The following HSD17B2 variants were observed in gnomAD, a reference collection of about 807,000 sequenced individuals.
HSD17B2 encodes hydroxysteroid 17-beta dehydrogenase 2.
A neutral mutation model predicts 26.9 loss-of-function variants in HSD17B2; 32 were observed. The observed-to-expected ratio is 1.19, with a 90% CI of 0.90 to 1.60. The LOEUF is 1.60. HSD17B2 is among the 40% of genes most tolerant of loss of function. The pLI, the probability that HSD17B2 is intolerant of heterozygous loss-of-function variation, is 0.00. For synonymous variants in HSD17B2, 246 were observed against 186.7 expected (o/e 1.32, Z -2.59); for missense variants, 613 against 468.6 (o/e 1.31, Z -2.85).
At chr16:82,051,139 G>C (rs1031267192) in intron 1 of HSD17B2, among the ~76,000 whole-genome samples, 8 of 152,140 alleles carry the variant, frequency 5.3e-5, no homozygotes, top group African/African-American at 1.9e-4. Context: ...TTCTCACCTT[G>C]AAATTGAATA....
At chr16:82,085,259 GC>G (rs1408572312) in intron 3 of HSD17B2, among the ~76,000 whole-genome samples, 1 of 152,148 alleles carries the variant, frequency 6.6e-6, no homozygotes, top group African/African-American at 2.4e-5. Context: ...AAGATGGGAA[GC>G]CTAGGCTGAG....
chr16:82,046,252 C>G (rs552670594), intron 1 of HSD17B2, among the ~76,000 whole-genome samples: 1 of 152,142 alleles, frequency 6.6e-6, no homozygotes, highest in South Asian at 2.1e-4. Context: ...CACAACAAAC[C>G]AATGAATGGA....
intron 3 of HSD17B2, among the ~76,000 whole-genome samples, chr16:82,082,763 A>G (rs563602794): frequency 1.3e-5 from 2 of 152,314 alleles, no homozygotes; most frequent in African/African-American, 4.8e-5. Flanking sequence ...CCTAATAAAC[A>G]TTAAGAGTTA....
At chr16:82,078,622 T>G (rs1758273834) in intron 3 of HSD17B2, among the ~76,000 whole-genome samples, 1 of 152,182 alleles carries the variant, frequency 6.6e-6, no homozygotes, top group African/African-American at 2.4e-5. Flanking sequence ...AACCTAAGTG[T>G]CCATCAACAG....
At chr16:82,043,731 T>C (rs13337293) in intron 1 of HSD17B2, among the ~76,000 whole-genome samples, 8,949 of 144,912 alleles carry the variant, frequency 0.062, 1,591 homozygotes, top group African/African-American at 0.23. Flanking sequence ...AGATAAACTT[T>C]ATTTCAGACC....
In HSD17B2 at chr16:82,036,873, C is replaced by A. The variant is rs8191059; in HGVS notation, c.265+1184C>A. On this transcript the variant is annotated intron_variant, in intron 1 of 4. Coordinates refer to ENST00000199936, the MANE Select transcript of HSD17B2 (RefSeq NM_002153.3). The stretch of plus-strand genomic sequence containing the variant: ...TTATTAGAATTCTCAAATGGCTTAT[C>A]GGTGAAATTTGTAAGAGAGTCTCAA... Among the ~76,000 whole-genome samples, 598 of 152,234 alleles carry A rather than the reference C, an allele frequency of 3.9e-3. 4 individuals carry two copies. The highest frequency in any genetic ancestry group is 0.013 in the African/African-American group (545 of 41,536).
chr16:82,055,752 A>T (rs977731744), intron 1 of HSD17B2, among the ~76,000 whole-genome samples: 2 of 152,246 alleles, frequency 1.3e-5, no homozygotes, highest in Non-Finnish European at 2.9e-5. Flanking sequence ...AATGGAGCAG[A>T]AATGAGAAGC....
At chr16:82,086,559 A>G (rs554553712) in intron 3 of HSD17B2, among the ~76,000 whole-genome samples, 1 of 152,304 alleles carries the variant, frequency 6.6e-6, no homozygotes, top group Admixed American at 6.5e-5. Flanking sequence ...CAGGGAACAA[A>G]TTGACTGAAT....
intron 3 of HSD17B2, among the ~76,000 whole-genome samples, chr16:82,079,146 A>ATGC (rs1904322932): frequency 6.6e-6 from 1 of 152,234 alleles, no homozygotes; most frequent in Non-Finnish European, 1.5e-5. Flanking sequence ...GCACATAAAT[A>ATGC]TATACACCAA....
At chr16:82,095,548 G>T (rs1904815985) in intron 4 of HSD17B2, 1 of 152,420 alleles carries the variant, frequency 6.6e-6, no homozygotes. Context: ...AAATTAATGT[G>T]CCTTCGACCA....
chr16:82,042,397 C>T (rs932980039), intron 1 of HSD17B2, among the ~76,000 whole-genome samples: 6 of 152,072 alleles, frequency 3.9e-5, no homozygotes, highest in Non-Finnish European at 8.8e-5. Context: ...TCGCACTTGG[C>T]CTCAGTGTCT....
intron 1 of HSD17B2, among the ~76,000 whole-genome samples, chr16:82,050,794 T>C (rs372212530): frequency 6.6e-5 from 10 of 152,338 alleles, no homozygotes; most frequent in Middle Eastern, 3.4e-3. Context: ...TAACTGCTTG[T>C]AGTCATGCTT....
chr16:82,061,307 G>C (rs1008347650), intron 1 of HSD17B2, among the ~76,000 whole-genome samples: 2 of 152,084 alleles, frequency 1.3e-5, no homozygotes, highest in African/African-American at 4.8e-5. Context: ...GAGAGCAGTG[G>C]CTTTGTGCCA....
intron 1 of HSD17B2, among the ~76,000 whole-genome samples, chr16:82,066,124 T>A (rs1369477855): frequency 2.0e-5 from 3 of 152,170 alleles, no homozygotes; most frequent in African/African-American, 7.2e-5. Context: ...GTACCAGAAT[T>A]CTAATGCATT....
In HSD17B2 at chr16:82,035,430, C is replaced by G. The variant is rs952312878; in HGVS notation, c.6C>G (p.Ser2Arg). 1 of 1,610,186 alleles carries G rather than the reference C, an allele frequency of 6.2e-7. No individual in the cohort carries two copies. The highest frequency in any genetic ancestry group is 1.7e-5 in the Admixed American group (1 of 59,946). The change falls in exon 1 of 5, where the codon AGC becomes AGG. Residue 2 changes from serine to arginine, a missense_variant. Coordinates refer to ENST00000199936, the MANE Select transcript of HSD17B2 (RefSeq NM_002153.3). ...GGTGCAGCAAGTCACTGAGAATGAG[C>G]ACTTTCTTCTCGGACACAGCATGGA... MSTFFSDTAWIC... is the reference protein window; with the variant it reads MRTFFSDTAWIC...
intron 3 of HSD17B2, among the ~76,000 whole-genome samples, chr16:82,087,649 T>C (rs1440021533): frequency 6.6e-6 from 1 of 152,194 alleles, no homozygotes; most frequent in East Asian, 1.9e-4. Flanking sequence ...AAACTTCATA[T>C]GTCATGTCTT....
At chr16:82,066,577 T>C (rs762761368) in intron 1 of HSD17B2, among the ~76,000 whole-genome samples, 1 of 152,196 alleles carries the variant, frequency 6.6e-6, no homozygotes, top group Admixed American at 6.5e-5. Flanking sequence ...CATTACAAGA[T>C]AAGGTCCACC....
intron 3 of HSD17B2, among the ~76,000 whole-genome samples, chr16:82,073,487 G>A (rs1914744841): frequency 6.6e-6 from 1 of 152,036 alleles, no homozygotes; most frequent in African/African-American, 2.4e-5. Context: ...GCCCCCCAAA[G>A]TTCTGGGCAT....
rs1981880 is a variant in HSD17B2 at position 82,084,675 on chromosome 16, C to T, written c.665-6227C>T. ...AAACCTTTCTCGGGCCAGTTTTCCT[C>T]CAGAAATCGCAGAGTAAACACCTGT... On this transcript the variant is annotated intron_variant, in intron 3 of 4. Transcript: ENST00000199936. Among the ~76,000 whole-genome samples, 658 of 152,160 alleles carry T rather than the reference C, an allele frequency of 4.3e-3. 5 individuals are homozygous for T. The highest frequency in any genetic ancestry group is 0.015 in the African/African-American group (625 of 41,484).
Sources: gnomAD v4.1 joint callset for allele counts (sites outside exome capture counted in the v4.1 genomes callset) on GRCh38, gnomAD v4.1.1 for gene constraint, MANE v1.5 for transcripts, NCBI Gene and HGNC (gene_info 2026-07-23, HGNC 2026-07-21) for gene names.